Variants in RHAG observed in about 807,000 individuals in gnomAD.
The protein encoded by RHAG is Rh associated glycoprotein, also known as ammonium transporter Rh type A.
RHAG carries 25 observed loss-of-function variants against 42.4 expected under a neutral mutation model. The observed-to-expected ratio is 0.59, with a 90% CI of 0.43 to 0.82. The LOEUF is 0.82. Among genes scored for constraint, RHAG ranks in the 40% least tolerant of loss-of-function variants. RHAG has a pLI of 0.00. For synonymous variants in RHAG, 182 were observed against 177.7 expected (o/e 1.02, Z -0.19); for missense variants, 483 against 504.6 (o/e 0.96, Z 0.41).
chr6:49,626,426 C>T (rs1762846523), intron 1 of RHAG, among the ~76,000 whole-genome samples: 2 of 152,336 alleles, frequency 1.3e-5, no homozygotes, highest in Middle Eastern at 3.4e-3. Context: ...AAAATGAACT[C>T]CTTTGCTTCC....
intron 1 of RHAG, among the ~76,000 whole-genome samples, chr6:49,620,790 C>G (rs534094145): frequency 6.6e-6 from 1 of 152,194 alleles, no homozygotes; most frequent in Non-Finnish European, 1.5e-5. Context: ...CTCGGCCTCC[C>G]AAATTGCTGG....
intron 9 of RHAG, chr6:49,606,589 C>G (rs1194022071): frequency 2.4e-6 from 1 of 416,012 alleles, no homozygotes; most frequent in African/African-American, 2.1e-5. Flanking sequence ...CACTTGACAT[C>G]CCATTGAAAG....
chr6:49,631,858 A>G (rs1562020735), intron 1 of RHAG: 1 of 152,246 alleles, frequency 6.6e-6, no homozygotes, highest in Admixed American at 6.5e-5. Context: ...TCCAGGTAAC[A>G]ATGCAGCAGC....
chr6:49,620,737 G>A (rs982105084), intron 1 of RHAG, among the ~76,000 whole-genome samples: 2 of 152,080 alleles, frequency 1.3e-5, no homozygotes, highest in Non-Finnish European at 2.9e-5. Context: ...CACCATGTTG[G>A]CCAGGCTGGT....
In RHAG at chr6:49,611,147, T is replaced by C. The variant is rs754264275; in HGVS notation, c.946-2A>G. On this transcript the variant is annotated splice_acceptor_variant, in intron 6 of 9. Coordinates refer to ENST00000371175, the MANE Select transcript of RHAG (RefSeq NM_000324.3). LOFTEE classifies it high-confidence loss of function. ...CCTCAGTTTAGTAGTAAAAAGTGGC[T>C]AAAATTATAAAAGGAAGAAGGTTTA... The C allele has an allele frequency of 7.4e-6, 12 of 1,610,906 alleles. No individual in the cohort carries two copies. Among genetic ancestry groups the C allele is most frequent in the Non-Finnish European group, 4.2e-6 (5 of 1,177,686 alleles).
chr6:49,636,256 C>T (rs1317432477), intron 1 of RHAG, among the ~76,000 whole-genome samples: 1 of 152,086 alleles, frequency 6.6e-6, no homozygotes, highest in Admixed American at 6.6e-5. Context: ...ATCTAGGGTT[C>T]CCTTCTTATA....
intron 7 of RHAG, among the ~76,000 whole-genome samples, chr6:49,610,216 T>G (rs1053174825): frequency 2.0e-5 from 3 of 152,146 alleles, no homozygotes; most frequent in Non-Finnish European, 2.9e-5. Context: ...TGCACATGTA[T>G]CCAGAACTTA....
intron 5 of RHAG, 117 bp from the exon 6 acceptor site, chr6:49,612,651 G>T: frequency 1.7e-6 from 2 of 1,212,058 alleles, no homozygotes; most frequent in Non-Finnish European, 2.4e-6. Flanking sequence ...AAGGGCTATT[G>T]GTTCTTTTTT....
chr6:49,607,140 T>C lies in RHAG; in HGVS notation c.1138+10A>G, dbSNP rs1226759846. 6.2e-7 allele frequency: 1 copy of C among 1,609,950 alleles called. No individual in the cohort carries two copies. Among genetic ancestry groups the C allele is most frequent in the Non-Finnish European group, 8.5e-7 (1 of 1,176,508 alleles). ...TAAGATACAGGGAAGTGTTCACTTT[T>C]TATGCTGACCTGTCATCAGACCTCC... On this transcript the variant is annotated intron_variant, in intron 8 of 9. Transcript: ENST00000371175.
At chr6:49,628,142 AC>A (rs1369139354) in intron 1 of RHAG, among the ~76,000 whole-genome samples, 1 of 61,218 alleles carries the variant, frequency 1.6e-5, no homozygotes, top group African/African-American at 1.0e-4. Flanking sequence ...TGAGACACAC[AC>A]ACACACACAC....
intron 5 of RHAG, among the ~76,000 whole-genome samples, chr6:49,613,547 C>T (rs944628796): frequency 1.3e-5 from 2 of 152,000 alleles, no homozygotes; most frequent in African/African-American, 4.8e-5. Context: ...GATATATGTC[C>T]TCAGCAATGC....
intron 1 of RHAG, among the ~76,000 whole-genome samples, chr6:49,621,124 A>G (rs2127354566): frequency 6.6e-6 from 1 of 152,262 alleles, no homozygotes; most frequent in Non-Finnish European, 1.5e-5. Flanking sequence ...CATCAGGCTC[A>G]GGGGCTAGTG....
At chr6:49,623,357 G>C (rs1762794986) in intron 1 of RHAG, among the ~76,000 whole-genome samples, 1 of 152,120 alleles carries the variant, frequency 6.6e-6, no homozygotes, top group South Asian at 2.1e-4. Flanking sequence ...TAAACAACTA[G>C]GATTATTGCA....
intron 1 of RHAG, among the ~76,000 whole-genome samples, chr6:49,636,204 A>T (rs1419319260): frequency 6.6e-6 from 1 of 152,076 alleles, no homozygotes; most frequent in Non-Finnish European, 1.5e-5. Context: ...TTCCTACATC[A>T]TACTAAATAC....
At chr6:49,627,497 C>T (rs2127356986) in intron 1 of RHAG, among the ~76,000 whole-genome samples, 1 of 152,306 alleles carries the variant, frequency 6.6e-6, no homozygotes, top group African/African-American at 2.4e-5. Context: ...CCTCTGAGCC[C>T]TCCAAACTGT....
chr6:49,615,676 C>T lies in RHAG; in HGVS notation c.588G>A (p.Lys196=), dbSNP rs753933737. The T allele has an allele frequency of 9.3e-6, 15 of 1,613,998 alleles. No homozygotes were observed. Among genetic ancestry groups the T allele is most frequent in the African/African-American group, 6.7e-5 (5 of 74,900 alleles). The change falls in exon 4 of 10, where the codon AAG becomes AAA. Residue 196 remains lysine (K), a synonymous_variant. Transcript: ENST00000371175. ...AGILYRSGLR[K]GHENEESAYY... Reference sequence around the variant, plus strand: ...ATGCGGACTCTTCATTTTCATGCCCCTTTCTCAGTCCAGATCGATACAAGA... The same window carrying T: ...ATGCGGACTCTTCATTTTCATGCCCTTTTCTCAGTCCAGATCGATACAAGA...
intron 7 of RHAG, among the ~76,000 whole-genome samples, chr6:49,608,950 T>C (rs1762520858): frequency 6.6e-6 from 1 of 152,198 alleles, no homozygotes; most frequent in Non-Finnish European, 1.5e-5. Flanking sequence ...TCTTAAAAGA[T>C]ATTTTTGATA....
chr6:49,607,094 A>G, intron 8 of RHAG, 56 bp downstream of exon 8: 1 of 1,443,822 alleles, frequency 6.9e-7, no homozygotes, highest in South Asian at 1.2e-5. Flanking sequence ...TTAATTATCT[A>G]TTGTAAATAA....
chr6:49,618,279 T>C, intron 2 of RHAG, 61 bp from the exon 3 acceptor site: 1 of 1,583,436 alleles, frequency 6.3e-7, no homozygotes, highest in South Asian at 1.1e-5. Flanking sequence ...CTGACCAAAG[T>C]GCAATCCCAT....
Sources: gnomAD v4.1 joint callset for allele counts (sites outside exome capture counted in the v4.1 genomes callset) on GRCh38, gnomAD v4.1.1 for gene constraint, MANE v1.5 for transcripts, NCBI Gene and HGNC (gene_info 2026-07-23, HGNC 2026-07-21) for gene names.